Variants in SRGAP1 observed in about 807,000 individuals in gnomAD.
SRGAP1 encodes SLIT-ROBO Rho GTPase activating protein 1.
A neutral mutation model predicts 121.9 loss-of-function variants in SRGAP1; 43 were observed. The observed-to-expected ratio is 0.35, with a 90% CI of 0.28 to 0.46. SRGAP1 has a LOEUF of 0.46. SRGAP1 is among the 20% of genes least tolerant of loss of function. SRGAP1 has a pLI of 1.00. For missense variants in SRGAP1, 1,102 were observed against 1,350.9 expected, an observed-to-expected ratio of 0.82 and a Z score of 2.89; for synonymous variants, 447 against 485.4, an observed-to-expected ratio of 0.92 and a Z score of 1.04.
At chr12:64,063,253 G>C in intron 7 of SRGAP1, 115 bp downstream of exon 7, 1 of 942,508 alleles carries the variant, frequency 1.1e-6, no homozygotes, top group South Asian at 1.7e-5. Context: ...TCCTGTCCTT[G>C]CAGAGGCTCT....
In SRGAP1 at chr12:64,144,601, TG is replaced by T. The variant is rs2037019380; in HGVS notation, c.*1931del. 1 of 152,086 alleles carries T rather than the reference TG, an allele frequency of 6.6e-6. No individual in the cohort carries two copies. The highest frequency in any genetic ancestry group is 1.5e-5 in the Non-Finnish European group (1 of 68,022). 9.4% of individuals were successfully genotyped at this position (152,086 alleles called of 1,614,324 possible). On this transcript the variant is annotated 3_prime_UTR_variant, in exon 22 of 22. Coordinates refer to ENST00000355086, the MANE Select transcript of SRGAP1 (RefSeq NM_020762.4). Reference sequence around the variant, plus strand: ...CTTTTTTCCCATGTATTTCTAGGTATGGTAAACTTTTAAACCTCCAAATTTT... The same window carrying T: ...CTTTTTTCCCATGTATTTCTAGGTATGTAAACTTTTAAACCTCCAAATTTT...
chr12:63,990,066 T>C lies in SRGAP1; in HGVS notation c.420T>C (p.Phe140=). Residue 140 remains phenylalanine, a synonymous_variant, in exon 3 of 22, where the codon TTT becomes TTC. Transcript: ENST00000355086. ...MQISEDSTRM[F]KKSKEIAFQL... The stretch of plus-strand genomic sequence containing the variant: ...TAAGTGAGGATTCTACCAGGATGTT[T>C]AAAAAGGTACACTCCATAAATCCTG... 1 of 1,604,864 alleles carries C rather than the reference T, an allele frequency of 6.2e-7. No individual in the cohort carries two copies. Among genetic ancestry groups the C allele is most frequent in the Non-Finnish European group, 8.5e-7 (1 of 1,176,328 alleles).
chr12:63,935,254 G>A (rs892977214), intron 1 of SRGAP1, among the ~76,000 whole-genome samples: 5 of 152,176 alleles, frequency 3.3e-5, no homozygotes, highest in African/African-American at 4.8e-5. Flanking sequence ...TTTATGCCTC[G>A]TGGAATTGTG....
chr12:64,123,643 GATTTATTTATTTATTT>G (rs140354888), intron 18 of SRGAP1, among the ~76,000 whole-genome samples: 53 of 141,266 alleles, frequency 3.8e-4, no homozygotes, highest in African/African-American at 9.7e-4. Flanking sequence ...ATTGCTAAAG[GATTTATTTATTTATTT>G]ATTTATTTAT....
chr12:63,883,551 G>C (rs868145711), intron 1 of SRGAP1, among the ~76,000 whole-genome samples: 7 of 152,180 alleles, frequency 4.6e-5, no homozygotes, highest in South Asian at 2.1e-4. Flanking sequence ...AATGCCTCTG[G>C]TACCGGAATA....
At chr12:63,871,985 C>T in intron 1 of SRGAP1, 2 of 967,980 alleles carry the variant, frequency 2.1e-6, no homozygotes, top group South Asian at 1.3e-5. Context: ...CCTTCTTATA[C>T]TGTGTCACTT....
chr12:63,997,195 AT>A (rs1246443588), intron 3 of SRGAP1, among the ~76,000 whole-genome samples: 1 of 152,186 alleles, frequency 6.6e-6, no homozygotes, highest in African/African-American at 2.4e-5. Flanking sequence ...GATAAAAAAA[AT>A]GATACACCTG....
chr12:63,886,370 TA>T (rs1193916740), intron 1 of SRGAP1, among the ~76,000 whole-genome samples: 1 of 149,270 alleles, frequency 6.7e-6, no homozygotes, highest in African/African-American at 2.6e-5. Context: ...CCAATGAAAA[TA>T]ACTTAAATAT....
intron 3 of SRGAP1, among the ~76,000 whole-genome samples, chr12:64,016,449 C>T (rs1361980902): frequency 2.0e-5 from 3 of 151,964 alleles, no homozygotes; most frequent in East Asian, 1.9e-4. Flanking sequence ...AGCATGCCAC[C>T]GCGCTGCAGC....
intron 4 of SRGAP1, among the ~76,000 whole-genome samples, chr12:64,019,712 A>G (rs1440248454): frequency 4.6e-5 from 7 of 152,218 alleles, no homozygotes; most frequent in African/African-American, 9.6e-5. Context: ...ATTAGGAAAG[A>G]GGCAAGATGA....
At chr12:64,124,804 T>C (rs1188090802) in intron 18 of SRGAP1, among the ~76,000 whole-genome samples, 1 of 152,190 alleles carries the variant, frequency 6.6e-6, no homozygotes, top group Non-Finnish European at 1.5e-5. Flanking sequence ...GAAATCATTG[T>C]AGATTCACAA....
chr12:63,973,816 A>G (rs1409933834), intron 1 of SRGAP1, among the ~76,000 whole-genome samples: 1 of 152,158 alleles, frequency 6.6e-6, no homozygotes, highest in Non-Finnish European at 1.5e-5. Flanking sequence ...ACTTATTCAG[A>G]GAAAAACATG....
chr12:64,063,867 G>T (rs1389552970), intron 7 of SRGAP1, among the ~76,000 whole-genome samples: 3 of 151,800 alleles, frequency 2.0e-5, no homozygotes, highest in Non-Finnish European at 2.9e-5. Context: ...ATCATGAAAA[G>T]ATTTCTTTAA....
At chr12:64,080,747 C>A (rs1020731494) in intron 10 of SRGAP1, 2 of 282,116 alleles carry the variant, frequency 7.1e-6, no homozygotes, top group East Asian at 1.7e-4. Context: ...TCCAACCCCA[C>A]CCCTGTTTGT....
chr12:63,875,518 A>C (rs990605210), intron 1 of SRGAP1, among the ~76,000 whole-genome samples: 3 of 152,216 alleles, frequency 2.0e-5, no homozygotes, highest in African/African-American at 7.2e-5. Context: ...CTTATTTTAT[A>C]AACAAAATGG....
intron 3 of SRGAP1, among the ~76,000 whole-genome samples, chr12:63,994,531 T>A (rs2033640339): frequency 6.6e-6 from 1 of 152,160 alleles, no homozygotes; most frequent in South Asian, 2.1e-4. Context: ...ACTCCATGCC[T>A]CTCAAATCCC....
At chr12:63,923,521 T>C (rs1358137381) in intron 1 of SRGAP1, among the ~76,000 whole-genome samples, 1 of 152,232 alleles carries the variant, frequency 6.6e-6, no homozygotes, top group African/African-American at 2.4e-5. Context: ...GCTACATCAG[T>C]ACATAATTAA....
chr12:64,104,112 T>C (rs2036301531), intron 15 of SRGAP1, among the ~76,000 whole-genome samples: 1 of 152,228 alleles, frequency 6.6e-6, no homozygotes, highest in Non-Finnish European at 1.5e-5. Flanking sequence ...CTTCTACAAA[T>C]AGTCCACAGA....
chr12:64,034,102 A>C (rs975831591), intron 4 of SRGAP1, among the ~76,000 whole-genome samples: 11 of 152,156 alleles, frequency 7.2e-5, no homozygotes, highest in African/African-American at 2.7e-4. Context: ...CGTGTCCCCA[A>C]CCAAATCTCA....
Sources: allele counts gnomAD v4.1 joint callset (sites outside exome capture counted in the v4.1 genomes callset), GRCh38; gene constraint gnomAD v4.1.1; transcripts MANE v1.5; gene names NCBI Gene and HGNC (gene_info 2026-07-23, HGNC 2026-07-21).